BTD: variants seen among roughly 807,000 people sequenced by gnomAD.
BTD encodes the protein biotinidase, also known as biocytinase.
A neutral mutation model predicts 17.7 loss-of-function variants in BTD; 13 were observed. The observed-to-expected ratio is 0.74, with a 90% confidence interval of 0.48 to 1.17. The LOEUF (loss-of-function observed/expected upper bound fraction) is 1.17. Among genes scored for constraint, BTD ranks in the 50% most tolerant of loss-of-function variants. The pLI is 0.00. For missense variants in BTD, 674 were observed against 650.4 expected (o/e 1.04, Z -0.39); for synonymous variants, 240 against 245.2 (o/e 0.98, Z 0.20).
At chr3:15,608,043 G>A (rs924814) in intron 1 of BTD, among the ~76,000 whole-genome samples, 77,009 of 152,152 alleles carry the variant, frequency 0.51, 22,787 homozygotes, top group African/African-American at 0.81. Flanking sequence ...ATTGATATCA[G>A]TAATAACTCA....
chr3:15,644,441 C>T lies in BTD; in HGVS notation c.525C>T (p.Asn175=), dbSNP rs2125500784. The T allele has an allele frequency of 2.5e-6, 4 of 1,614,182 alleles. No homozygotes were observed. Among genetic ancestry groups the T allele is most frequent in the Non-Finnish European group, 3.4e-6 (4 of 1,180,046 alleles). ...CAAAAGATGGGAGATACCAGTTCAACACAAATGTCGTGTTCAGCAATAATG... is the reference window on the plus strand; with the variant it reads ...CAAAAGATGGGAGATACCAGTTCAATACAAATGTCGTGTTCAGCAATAATG... ...RCPKDGRYQF[N]TNVVFSNNGT... Residue 175 remains asparagine, a synonymous_variant, in exon 4 of 4, where the codon AAC becomes AAT. Coordinates refer to ENST00000643237, the MANE Select transcript of BTD (RefSeq NM_001370658.1).
intron 3 of BTD, chr3:15,696,303 TAA>T (rs1559354567): frequency 9.0e-7 from 1 of 1,113,284 alleles, no homozygotes; most frequent in Non-Finnish European, 1.3e-6. Context: ...TAACCAATGA[TAA>T]AAAGAGACTG....
chr3:15,721,628 A>G (rs1442829018), intron 4 of BTD, among the ~76,000 whole-genome samples: 1 of 152,252 alleles, frequency 6.6e-6, no homozygotes, highest in African/African-American at 2.4e-5. Context: ...TATTTATTTA[A>G]TTCATTTTTT....
chr3:15,601,419 A>G (rs370356247), upstream of BTD: 24 of 1,614,068 alleles, frequency 1.5e-5, no homozygotes, highest in Non-Finnish European at 1.9e-5. Context: ...CTTTAGCACC[A>G]GACACCTGCT....
At chr3:15,691,080 T>C (rs1306004344) in intron 3 of BTD, among the ~76,000 whole-genome samples, 1 of 151,588 alleles carries the variant, frequency 6.6e-6, no homozygotes, top group African/African-American at 2.4e-5. Context: ...GGCATTGTCC[T>C]AGCTGTACAA....
intron 3 of BTD, chr3:15,677,095 C>T (rs2125658890): frequency 1.3e-6 from 2 of 1,523,078 alleles, no homozygotes; most frequent in East Asian, 2.3e-5. Context: ...ACTTGAGCAC[C>T]ATTAAAGATA....
Position 15,694,709 on chromosome 3 carries a change from C to T in BTD, c.400-15351C>T. 3 of 1,591,330 alleles carry T rather than the reference C, an allele frequency of 1.9e-6. No homozygotes were observed. In the Admixed American group the frequency reaches 5.0e-5, roughly 27 times the overall value. ...TAGATATTTTCAGTAAACCAGCAGC[C>T]ATCAAGTCGGCTATGAAGGCAGTAC... On this transcript the variant is annotated intron_variant, in intron 3 of 3. Transcript: ENST00000672141.
intron 3 of BTD, among the ~76,000 whole-genome samples, chr3:15,678,713 GA>G (rs1258960727): frequency 1.3e-5 from 2 of 152,030 alleles, no homozygotes; most frequent in African/African-American, 4.8e-5. Flanking sequence ...TTCCCATTTA[GA>G]AAACTGTTAA....
chr3:15,627,787 T>C (rs190646887), intron 1 of BTD, among the ~76,000 whole-genome samples: 2 of 152,358 alleles, frequency 1.3e-5, no homozygotes, highest in Admixed American at 1.3e-4. Flanking sequence ...AATGGCACGA[T>C]CTCGGCTCAC....
intron 3 of BTD, 148 bp from the exon 4 acceptor site, chr3:15,644,168 T>G: frequency 1.3e-6 from 1 of 794,792 alleles, no homozygotes; most frequent in Non-Finnish European, 2.0e-6. Flanking sequence ...GCCCGGCTAA[T>G]TTTTTGTATT....
In BTD at chr3:15,646,668, T is replaced by G. The variant is rs1466333489; in HGVS notation, c.*1180T>G. Reference sequence around the variant, plus strand: ...ATGCCTAGTAGCTGTTTCAGATCATTTTTTAAGTACAGAATGGATAATTAG... The same window carrying G: ...ATGCCTAGTAGCTGTTTCAGATCATGTTTTAAGTACAGAATGGATAATTAG... On this transcript the variant is annotated 3_prime_UTR_variant, in exon 4 of 4. Transcript: ENST00000643237. 2 of 152,244 alleles carry G rather than the reference T, an allele frequency of 1.3e-5. No homozygotes were observed. Among genetic ancestry groups the G allele is most frequent in the African/African-American group, 2.4e-5 (1 of 41,448 alleles). 9.4% of individuals were successfully genotyped at this position (152,244 alleles called of 1,614,324 possible). A position where few individuals can be genotyped will look rare whatever the true frequency, so the allele number is the denominator to read the frequency against.
At chr3:15,627,961 A>T (rs2065108211) in intron 1 of BTD, among the ~76,000 whole-genome samples, 1 of 152,136 alleles carries the variant, frequency 6.6e-6, no homozygotes, top group African/African-American at 2.4e-5. Context: ...ACCTCAGGTG[A>T]TCTACCCACC....
intron 1 of BTD, among the ~76,000 whole-genome samples, chr3:15,615,144 G>A (rs1429108045): frequency 2.0e-5 from 3 of 152,182 alleles, no homozygotes; most frequent in African/African-American, 7.2e-5. Flanking sequence ...AAGAGAGTAT[G>A]TGGATAGGCT....
Position 15,644,937 on chromosome 3 carries a change from T to C in BTD, c.1021T>C (p.Phe341Leu). 6.2e-7 allele frequency: 1 copy of C among 1,614,024 alleles called. No homozygotes were observed. Among genetic ancestry groups the C allele is most frequent in the South Asian group, 1.1e-5 (1 of 91,062 alleles). ...TGETDPSHSK[F>L]LKILSGDPYC... ...TGAAACGGACCCATCCCATAGTAAGTTTTTAAAAATTTTGTCAGGCGATCC... is the reference window on the plus strand; with the variant it reads ...TGAAACGGACCCATCCCATAGTAAGCTTTTAAAAATTTTGTCAGGCGATCC... Residue 341 changes from phenylalanine to leucine, a missense_variant, in exon 4 of 4, where the codon TTT (phenylalanine) becomes CTT (leucine). Transcript: ENST00000643237.
downstream of BTD, among the ~76,000 whole-genome samples, chr3:15,715,355 T>G (rs924948627): frequency 5.1e-4 from 77 of 152,232 alleles, no homozygotes; most frequent in Non-Finnish European, 1.6e-4. Context: ...GCCTTCTGCA[T>G]AGGTACTAAA....
intron 3 of BTD, chr3:15,684,024 G>C (rs1360019269): frequency 6.6e-6 from 1 of 152,136 alleles, no homozygotes; most frequent in African/African-American, 2.4e-5. Flanking sequence ...CAGCTTTGTA[G>C]ATCTGCTGTC....
chr3:15,698,692 A>C (rs1279160007), intron 3 of BTD, among the ~76,000 whole-genome samples: 2 of 152,214 alleles, frequency 1.3e-5, no homozygotes, highest in Non-Finnish European at 2.9e-5. Context: ...GGGGATGTGA[A>C]GGACCTCTTC....
chr3:15,710,833 G>A (rs2072170647), exon 4 of BTD, among the ~76,000 whole-genome samples: 1 of 151,220 alleles, frequency 6.6e-6, no homozygotes, highest in Non-Finnish European at 1.5e-5. Flanking sequence ...TTTTTTTCCT[G>A]GGGGAAAAAA....
chr3:15,676,026 C>T, intron 3 of BTD: 10 of 1,503,426 alleles, frequency 6.7e-6, no homozygotes, highest in Non-Finnish European at 9.2e-6. Flanking sequence ...CACATATGTG[C>T]ATGTGCATGC....
Sources: gnomAD v4.1 joint callset for allele counts (sites outside exome capture counted in the v4.1 genomes callset) on GRCh38, gnomAD v4.1.1 for gene constraint, MANE v1.5 for transcripts, NCBI Gene and HGNC (gene_info 2026-07-23, HGNC 2026-07-21) for gene names.